MMS22L: variants seen among roughly 807,000 people sequenced by gnomAD.
MMS22L encodes protein MMS22-like.
In MMS22L, 74 loss-of-function variants were observed where a neutral mutation model predicts 159.1. That is an observed-to-expected ratio of 0.47 (90% CI 0.39 to 0.56). The LOEUF (loss-of-function observed/expected upper bound fraction) is 0.56. MMS22L is among the 20% of genes least tolerant of loss of function. The probability of loss-of-function intolerance (pLI) is 0.00; values close to 1 mark genes in which losing one functional copy is unlikely to be tolerated. For missense variants in MMS22L, 1,351 were observed against 1,422.1 expected (o/e 0.95, Z 0.80); for synonymous variants, 517 against 506.9 (o/e 1.02, Z -0.27).
chr6:97,274,808 C>G (rs1816098269), intron 4 of MMS22L, among the ~76,000 whole-genome samples: 1 of 152,008 alleles, frequency 6.6e-6, no homozygotes, highest in Admixed American at 6.6e-5. Flanking sequence ...AAAATATTAC[C>G]CAACGCCAGG....
chr6:97,254,307 TCA>T, intron 10 of MMS22L: 1 of 353,200 alleles, frequency 2.8e-6, no homozygotes, highest in Non-Finnish European at 5.1e-6. Flanking sequence ...TTGCTCAGGG[TCA>T]CACAATTGTT....
chr6:97,168,123 A>G lies in MMS22L; in HGVS notation c.2957T>C (p.Leu986Pro), dbSNP rs772771167. The G allele has an allele frequency of 1.9e-6, 3 of 1,613,130 alleles. No individual in the cohort carries two copies. ...PHAVLQQEKE[L>P]PAPMLSAIQK... ...AATTGCTGACAACATAGGTGCAGGCAGTTCCTTCTCTTGCTGTAATACTGC... is the reference window on the plus strand; with the variant it reads ...AATTGCTGACAACATAGGTGCAGGCGGTTCCTTCTCTTGCTGTAATACTGC... Residue 986 changes from leucine (L) to proline (P), a missense_variant, in exon 20 of 25, where the codon CTG becomes CCG. Coordinates refer to ENST00000683635, the MANE Select transcript of MMS22L (RefSeq NM_001350599.2).
At chr6:97,259,708 T>TA (rs1220536630) in intron 9 of MMS22L, 1 of 151,476 alleles carries the variant, frequency 6.6e-6, no homozygotes, top group Non-Finnish European at 1.5e-5. Flanking sequence ...TATATATATA[T>TA]ATATATCTAT....
chr6:97,198,108 C>T (rs1300033341), intron 14 of MMS22L, among the ~76,000 whole-genome samples: 2 of 152,102 alleles, frequency 1.3e-5, no homozygotes, highest in East Asian at 3.9e-4. Context: ...AAAGCTTCTG[C>T]CTTGTTTGCT....
intron 14 of MMS22L, among the ~76,000 whole-genome samples, chr6:97,214,266 T>C (rs533489114): frequency 1.3e-5 from 2 of 152,274 alleles, no homozygotes; most frequent in Admixed American, 1.3e-4. Context: ...TTGTATCTAA[T>C]GGTGAAAAAT....
At chr6:97,211,287 G>T (rs996224209) in intron 14 of MMS22L, among the ~76,000 whole-genome samples, 15 of 151,836 alleles carry the variant, frequency 9.9e-5, no homozygotes, top group Admixed American at 8.5e-4. Context: ...TTCAAGTGGG[G>T]CCAATATATT....
intron 9 of MMS22L, chr6:97,259,818 A>G (rs1160993309): frequency 6.6e-6 from 1 of 152,148 alleles, no homozygotes; most frequent in Non-Finnish European, 1.5e-5. Flanking sequence ...TTTTATATAT[A>G]AGAATTTAGT....
chr6:97,269,914 C>G lies in MMS22L; in HGVS notation c.685G>C (p.Gly229Arg), dbSNP rs1448671627. 6.2e-7 allele frequency: 1 copy of G among 1,604,172 alleles called. No homozygotes were observed. Residue 229 changes from glycine to arginine, a missense_variant, in exon 7 of 25, where the codon GGT becomes CGT. Physicochemically the swap from Gly to Arg is moderately radical, Grantham distance 125. Transcript: ENST00000683635. ...TCCATAAACTTACTCAATTTTTCACCCAGCATGTAAAGAATTTCTAGCACC... is the reference window on the plus strand; with the variant it reads ...TCCATAAACTTACTCAATTTTTCACGCAGCATGTAAAGAATTTCTAGCACC... ...WLVLEILYML[G>R]EKLKQVVYGH...
At chr6:97,223,269 A>C (rs1376451036) in intron 14 of MMS22L, among the ~76,000 whole-genome samples, 1 of 151,954 alleles carries the variant, frequency 6.6e-6, no homozygotes, top group Non-Finnish European at 1.5e-5. Flanking sequence ...CACACACTTT[A>C]TACACACATT....
At chr6:97,269,798 T>C (rs1815531819) in intron 7 of MMS22L, 104 bp downstream of exon 7, 2 of 785,468 alleles carry the variant, frequency 2.5e-6, no homozygotes, top group Non-Finnish European at 3.9e-6. Context: ...GTTTACTATT[T>C]GATTTTTTTT....
chr6:97,183,297 T>C (rs1243110776), intron 15 of MMS22L, among the ~76,000 whole-genome samples: 2 of 152,152 alleles, frequency 1.3e-5, no homozygotes, highest in African/African-American at 2.4e-5. Context: ...TGGTCCATTA[T>C]TATACTCATT....
chr6:97,254,607 G>A lies in MMS22L; in HGVS notation c.1069C>T (p.His357Tyr), dbSNP rs1813591265. 6.2e-7 allele frequency: 1 copy of A among 1,613,458 alleles called. No individual in the cohort carries two copies. Among genetic ancestry groups the A allele is most frequent in the Non-Finnish European group, 8.5e-7 (1 of 1,179,772 alleles). Reference protein sequence around the residue: ...PLGFSWWIITHVASFYKFDRH... With the variant: ...PLGFSWWIITYVASFYKFDRH... ...TCAAACTTGTAAAATGATGCTACAT[G>A]AGTAATAATCCACCAACTAAAACCT... Residue 357 changes from histidine (H) to tyrosine (Y), a missense_variant, in exon 10 of 25, where the codon CAT (histidine) becomes TAT (tyrosine). Physicochemically the swap from His to Tyr is moderately conservative, Grantham distance 83 (BLOSUM62 2). Transcript: ENST00000683635.
At chr6:97,237,041 G>T (rs1286208292) in intron 11 of MMS22L, among the ~76,000 whole-genome samples, 1 of 152,092 alleles carries the variant, frequency 6.6e-6, no homozygotes, top group Non-Finnish European at 1.5e-5. Flanking sequence ...ATAATTGGTT[G>T]TGTATATTGT....
At chr6:97,245,548 A>C (rs1037771728) in intron 11 of MMS22L, among the ~76,000 whole-genome samples, 9 of 152,300 alleles carry the variant, frequency 5.9e-5, no homozygotes, top group South Asian at 2.1e-4. Flanking sequence ...AAGTTACTAA[A>C]TCAATATGTT....
intron 14 of MMS22L, among the ~76,000 whole-genome samples, chr6:97,213,292 G>A (rs994323580): frequency 2.0e-5 from 3 of 152,140 alleles, no homozygotes; most frequent in African/African-American, 7.2e-5. Context: ...TGTGGTCCCA[G>A]CTACTCAGGA....
chr6:97,178,467 T>C lies in MMS22L; in HGVS notation c.2655A>G (p.Lys885=). 6.4e-7 allele frequency: 1 copy of C among 1,566,530 alleles called. No homozygotes were observed. The highest frequency in any genetic ancestry group is 8.6e-7 in the Non-Finnish European group (1 of 1,157,168). Reference sequence around the variant, plus strand: ...CCTCAAAGAATCGAACAAGTGCTTTTTTAGGGTCTTCTGAGATGGATAAAT... The same window carrying C: ...CCTCAAAGAATCGAACAAGTGCTTTCTTAGGGTCTTCTGAGATGGATAAAT... ...VEYLSISEDP[K]KALVRFFEAV... The change falls in exon 18 of 25, where the codon AAA becomes AAG. Residue 885 remains lysine (K), a synonymous_variant. Coordinates refer to ENST00000683635, the MANE Select transcript of MMS22L (RefSeq NM_001350599.2).
At chr6:97,152,140 T>G (rs1801381354) in intron 22 of MMS22L, among the ~76,000 whole-genome samples, 1 of 152,114 alleles carries the variant, frequency 6.6e-6, no homozygotes, top group Non-Finnish European at 1.5e-5. Flanking sequence ...GTGCCCATAT[T>G]CAAAAAAGTT....
chr6:97,243,064 C>CT (rs928315369), intron 11 of MMS22L, among the ~76,000 whole-genome samples: 11 of 152,052 alleles, frequency 7.2e-5, no homozygotes, highest in East Asian at 1.9e-4. Context: ...AGGTGATTAT[C>CT]TTTTTTGTGA....
intron 9 of MMS22L, among the ~76,000 whole-genome samples, chr6:97,255,827 C>A (rs980960468): frequency 9.2e-5 from 14 of 152,128 alleles, no homozygotes; most frequent in African/African-American, 3.1e-4. Flanking sequence ...TTATTAGCCA[C>A]ATGCAAATTT....
Sources: gnomAD v4.1 joint callset for allele counts (sites outside exome capture counted in the v4.1 genomes callset) on GRCh38, gnomAD v4.1.1 for gene constraint, MANE v1.5 for transcripts, NCBI Gene and HGNC (gene_info 2026-07-23, HGNC 2026-07-21) for gene names.